CTNND2: variants seen among roughly 807,000 people sequenced by gnomAD.
CTNND2 encodes catenin delta 2.
In CTNND2, 22 loss-of-function variants were observed where a neutral mutation model predicts 144.4. That is an observed-to-expected ratio of 0.15 (90% confidence interval 0.11 to 0.22). The LOEUF (loss-of-function observed/expected upper bound fraction) is 0.22, where lower values mean the gene tolerates loss of function less well. Among genes scored for constraint, CTNND2 ranks in the 10% least tolerant of loss-of-function variants. The pLI is 1.00. For missense variants in CTNND2, 1,353 were observed against 1,618.8 expected, an observed-to-expected ratio of 0.84 and a Z score of 2.82; for synonymous variants, 751 against 695.6, an observed-to-expected ratio of 1.08 and a Z score of -1.25.
intron 2 of CTNND2, among the ~76,000 whole-genome samples, chr5:11,581,996 C>G (rs3899402): frequency 0.39 from 59,991 of 152,012 alleles, 12,968 homozygotes; most frequent in Middle Eastern, 0.56. Flanking sequence ...AATGGATGTT[C>G]TTACTCAGAA....
At chr5:10,987,120 T>C (rs1738074468) in intron 20 of CTNND2, among the ~76,000 whole-genome samples, 1 of 152,198 alleles carries the variant, frequency 6.6e-6, no homozygotes, top group Admixed American at 6.5e-5. Context: ...GTAAAGAGGA[T>C]GTGGGGTCCC....
At chr5:11,423,434 A>G (rs1335242516) in intron 3 of CTNND2, among the ~76,000 whole-genome samples, 2 of 152,214 alleles carry the variant, frequency 1.3e-5, no homozygotes, top group African/African-American at 2.4e-5. Flanking sequence ...AGTGGCATGT[A>G]TATCAAGGTT....
chr5:11,106,618 T>C (rs1396246274), intron 14 of CTNND2, among the ~76,000 whole-genome samples: 2 of 152,214 alleles, frequency 1.3e-5, no homozygotes, highest in East Asian at 1.9e-4. Flanking sequence ...TTTTGTTCAC[T>C]ACCATGTGCA....
chr5:11,812,656 C>T (rs1792400575), intron 1 of CTNND2, among the ~76,000 whole-genome samples: 1 of 152,156 alleles, frequency 6.6e-6, no homozygotes, highest in Non-Finnish European at 1.5e-5. Flanking sequence ...AACAGTAAAG[C>T]TGAGCACTTT....
At chr5:11,448,975 T>C (rs1765081149) in intron 3 of CTNND2, among the ~76,000 whole-genome samples, 1 of 152,066 alleles carries the variant, frequency 6.6e-6, no homozygotes, top group Non-Finnish European at 1.5e-5. Context: ...AGTGCTGGGA[T>C]TATAGGTGTG....
In CTNND2 at chr5:11,684,246, C is replaced by T. The variant is rs375577488; in HGVS notation, c.174+47890G>A. On this transcript the variant is annotated intron_variant, in intron 2 of 21. Transcript: ENST00000304623. ...CCTCCCGAGTAGCTGGGACTACAGG[C>T]GCTCGCCACCACGCCTGGCTAATTT... Among the ~76,000 whole-genome samples, 76 of 151,850 alleles carry T rather than the reference C, an allele frequency of 5.0e-4. 1 individual carries two copies. Among genetic ancestry groups the T allele is most frequent in the East Asian group, 3.1e-3 (16 of 5,142 alleles).
chr5:11,038,495 C>T (rs1744324552), intron 16 of CTNND2, among the ~76,000 whole-genome samples: 1 of 152,166 alleles, frequency 6.6e-6, no homozygotes, highest in African/African-American at 2.4e-5. Flanking sequence ...AATGGTCTTC[C>T]ATGAAACTGG....
At chr5:11,307,505 G>T (rs746323913) in intron 9 of CTNND2, among the ~76,000 whole-genome samples, 4 of 152,048 alleles carry the variant, frequency 2.6e-5, no homozygotes. Flanking sequence ...AGAAAGTTTC[G>T]CTTGCTGAAC....
intron 9 of CTNND2, among the ~76,000 whole-genome samples, chr5:11,334,438 C>T (rs747144547): frequency 1.4e-4 from 22 of 152,082 alleles, no homozygotes; most frequent in Non-Finnish European, 7.4e-5. Context: ...TGTCTGTAAA[C>T]CAACTTTCAT....
chr5:11,195,164 C>T (rs897228569), intron 11 of CTNND2, among the ~76,000 whole-genome samples: 7 of 151,780 alleles, frequency 4.6e-5, no homozygotes, highest in Non-Finnish European at 8.8e-5. Context: ...AAATGTTCAA[C>T]GATTTTTTTA....
intron 16 of CTNND2, among the ~76,000 whole-genome samples, chr5:11,035,864 A>AAAAC: frequency 6.6e-6 from 1 of 151,656 alleles, no homozygotes; most frequent in Non-Finnish European, 1.5e-5. Context: ...TGAAAAAAAA[A>AAAAC]AACAATGAAA....
chr5:11,135,823 C>G (rs2149725720), intron 12 of CTNND2, among the ~76,000 whole-genome samples: 1 of 152,300 alleles, frequency 6.6e-6, no homozygotes, highest in South Asian at 2.1e-4. Context: ...ATGCAGTGGG[C>G]TGTGGGTTAC....
At position 11,431,678 on chromosome 5, in the gene CTNND2, G is replaced by A. The variant is rs1268982790; in HGVS notation, c.288-19609C>T. ...ATAGAGAAGCACTGAGGTGACAGAC[G>A]TGTGAGTGAAGCCCTCCGAAACCTT... On this transcript the variant is annotated intron_variant, in intron 3 of 21. Coordinates refer to ENST00000304623, the MANE Select transcript of CTNND2 (RefSeq NM_001332.4). 4.6e-5 allele frequency among the ~76,000 whole-genome samples: 7 copies of A among 152,132 alleles called. No individual in the cohort carries two copies. The East Asian group carries it at 9.6e-4, about 21-fold the overall frequency.
chr5:11,497,519 T>TGGGGGGG (rs1234235644), intron 3 of CTNND2, among the ~76,000 whole-genome samples: 1 of 13,746 alleles, frequency 7.3e-5, no homozygotes. Flanking sequence ...TGCGGGGGGG[T>TGGGGGGG]GGGGGGGGGC....
intron 2 of CTNND2, among the ~76,000 whole-genome samples, chr5:11,701,619 A>C (rs1043956373): frequency 7.2e-5 from 11 of 152,188 alleles, no homozygotes; most frequent in African/African-American, 2.4e-4. Flanking sequence ...ACTATAACCT[A>C]GTCTATGTAT....
At chr5:11,373,568 G>A (rs1757651244) in intron 7 of CTNND2, among the ~76,000 whole-genome samples, 1 of 152,190 alleles carries the variant, frequency 6.6e-6, no homozygotes, top group Non-Finnish European at 1.5e-5. Flanking sequence ...CTTTTTAAAA[G>A]AGGAATGATG....
At position 10,972,933 on chromosome 5, in the gene CTNND2, A is replaced by T. The variant is rs2149475219; in HGVS notation, c.*520T>A. Reference sequence around the variant, plus strand: ...TATACACAACGCGCTTTTCTTCTTTAATCTGTAATGTACATCAAATACTTT... The same window carrying T: ...TATACACAACGCGCTTTTCTTCTTTTATCTGTAATGTACATCAAATACTTT... On this transcript the variant is annotated 3_prime_UTR_variant, in exon 22 of 22. Coordinates refer to ENST00000304623, the MANE Select transcript of CTNND2 (RefSeq NM_001332.4). 6.5e-6 allele frequency: 1 copy of T among 152,814 alleles called. No homozygotes were observed. The highest frequency in any genetic ancestry group is 6.5e-5 in the Admixed American group (1 of 15,308). 9.5% of individuals were successfully genotyped at this position (152,814 alleles called of 1,614,324 possible).
intron 10 of CTNND2, among the ~76,000 whole-genome samples, chr5:11,208,314 C>T (rs536273960): frequency 6.6e-6 from 1 of 152,132 alleles, no homozygotes; most frequent in African/African-American, 2.4e-5. Context: ...AAATCCAAAG[C>T]CCAGTAAATT....
intron 1 of CTNND2, among the ~76,000 whole-genome samples, chr5:11,776,532 T>A (rs1790264500): frequency 6.6e-6 from 1 of 152,180 alleles, no homozygotes; most frequent in Non-Finnish European, 1.5e-5. Context: ...CTAGGCTTAT[T>A]GCATACTTAT....
Sources: allele counts gnomAD v4.1 joint callset (sites outside exome capture counted in the v4.1 genomes callset), GRCh38; gene constraint gnomAD v4.1.1; transcripts MANE v1.5; gene names NCBI Gene and HGNC (gene_info 2026-07-23, HGNC 2026-07-21).